Variants in NOL9 observed in about 807,000 individuals in gnomAD.
The protein encoded by NOL9 is nucleolar protein 9.
A neutral mutation model predicts 67.9 loss-of-function variants in NOL9; 28 were observed. The ratio of observed to expected loss-of-function variants is 0.41; its 90% CI spans 0.31 to 0.57. The LOEUF is 0.57. Among genes scored for constraint, NOL9 ranks in the 20% least tolerant of loss-of-function variants. NOL9 has a pLI of 0.25. For synonymous variants in NOL9, 356 were observed against 352.2 expected (o/e 1.01, Z -0.12); for missense variants, 777 against 897.0 (o/e 0.87, Z 1.71).
In NOL9 at chr1:6,532,829, G is replaced by A. The variant is rs577798236; in HGVS notation, c.1238-69C>T. 7 of 1,374,006 alleles carry A rather than the reference G, an allele frequency of 5.1e-6. No individual in the cohort carries two copies. In the African/African-American group the frequency reaches 1.0e-4, roughly 20 times the overall value. 85.1% of individuals were successfully genotyped at this position (1,374,006 alleles called of 1,614,324 possible). On this transcript the variant is annotated intron_variant, in intron 7 of 11. Transcript: ENST00000377705. ...GTGACGCGCTCAAGAACAGTGACAT[G>A]CTCCTACGACAAATGGATGCATTTG...
Position 6,533,441 on chromosome 1 carries a change from C to T in NOL9, c.1076G>A (p.Gly359Glu). 4 of 1,576,774 alleles carry T rather than the reference C, an allele frequency of 2.5e-6. No homozygotes were observed. The highest frequency in any genetic ancestry group is 3.5e-6 in the Non-Finnish European group (4 of 1,158,450). Residue 359 changes from glycine (G) to glutamate (E), a missense_variant and splice_region_variant, in exon 7 of 12, where the codon GGA becomes GAA. Transcript: ENST00000377705. ...SLLNITEPVL[G>E]PPFTHLRTPQ... ...AGTCCTCAGGTGAGTGAAAGGTGGTCCTAAAAAGATAAAGATGAGTAATCA... is the reference window on the plus strand; with the variant it reads ...AGTCCTCAGGTGAGTGAAAGGTGGTTCTAAAAAGATAAAGATGAGTAATCA...
chr1:6,549,487 C>T, intron 3 of NOL9, 84 bp downstream of exon 3: 4 of 1,503,120 alleles, frequency 2.7e-6, no homozygotes, highest in Non-Finnish European at 3.6e-6. Context: ...AACTGTTCTT[C>T]CAAGACAACA....
intron 5 of NOL9, 125 bp from the exon 6 acceptor site, chr1:6,542,052 G>T: frequency 2.0e-6 from 1 of 497,516 alleles, no homozygotes. Flanking sequence ...CAGCACTTTA[G>T]AAGTGAAGCC....
chr1:6,531,960 C>T lies in NOL9; in HGVS notation c.1647+8G>A. ...ATGAAGACAATTTCTCCTGTAAGTT[C>T]AGATTACCTGATAGGGTGTCAGGCT... On this transcript the variant is annotated splice_region_variant and intron_variant, in intron 9 of 11. Coordinates refer to ENST00000377705, the MANE Select transcript of NOL9 (RefSeq NM_024654.5). 1 of 1,606,782 alleles carries T rather than the reference C, an allele frequency of 6.2e-7. No individual in the cohort carries two copies. The highest frequency in any genetic ancestry group is 8.5e-7 in the Non-Finnish European group (1 of 1,173,304).
At chr1:6,549,969 G>A (rs943031499) in intron 2 of NOL9, among the ~76,000 whole-genome samples, 3 of 152,088 alleles carry the variant, frequency 2.0e-5, no homozygotes, top group Admixed American at 6.6e-5. Flanking sequence ...CAGGACCCTC[G>A]TAAGGGTTTA....
chr1:6,553,790 C>G (rs149689166), intron 1 of NOL9, among the ~76,000 whole-genome samples: 2,403 of 152,076 alleles, frequency 0.016, 67 homozygotes, highest in African/African-American at 0.055. Context: ...TGCAGTGAGC[C>G]GAGATTGTGC....
chr1:6,550,716 T>C (rs1639527756), intron 1 of NOL9, 101 bp from the exon 2 acceptor site: 1 of 880,772 alleles, frequency 1.1e-6, no homozygotes, highest in East Asian at 2.8e-5. Flanking sequence ...GGAGTTTTGC[T>C]CTTGTTGCCC....
At chr1:6,535,979 T>A (rs1389371447) in intron 6 of NOL9, among the ~76,000 whole-genome samples, 2 of 149,820 alleles carry the variant, frequency 1.3e-5, no homozygotes, top group Admixed American at 1.3e-4. Context: ...TCAAAAGCAG[T>A]TATAATTAAA....
chr1:6,536,369 T>C (rs1365261899), intron 6 of NOL9, among the ~76,000 whole-genome samples: 1 of 84,534 alleles, frequency 1.2e-5, no homozygotes, highest in Non-Finnish European at 2.8e-5. Flanking sequence ...TAAAATAAAA[T>C]AAAAAAATAA....
rs200904033 is a variant in NOL9 at position 6,545,060 on chromosome 1, C to A, written c.865G>T (p.Val289Phe). ...ESTLSALEEL[V>F]NVSCEEVDGC... Reference sequence around the variant, plus strand: ...TATTACTCACCACAGGAAACATTGACTAACTCTTCCAGGGCTGAAAGGGTA... The same window carrying A: ...TATTACTCACCACAGGAAACATTGAATAACTCTTCCAGGGCTGAAAGGGTA... The change falls in exon 4 of 12, where the codon GTC (valine) becomes TTC (phenylalanine). Residue 289 changes from valine (V) to phenylalanine (F), a missense_variant. By Grantham distance (50) the Val-to-Phe change is conservative. Transcript: ENST00000377705. 1.4e-5 allele frequency: 22 copies of A among 1,614,072 alleles called. No individual in the cohort carries two copies. The highest frequency in any genetic ancestry group is 1.0e-5 in the Non-Finnish European group (12 of 1,180,042).
chr1:6,533,503 A>C, intron 6 of NOL9, 62 bp from the exon 7 acceptor site: 1 of 1,287,102 alleles, frequency 7.8e-7, no homozygotes, highest in Non-Finnish European at 1.0e-6. Context: ...GGCTACTTAA[A>C]AGGTGGTGAG....
Position 6,532,568 on chromosome 1 carries a change from G to GCAT in NOL9, c.1427_1429dup (p.Asp476dup). Reference sequence around the variant, plus strand: ...TTTTTCTTCATCAGCAAATTCCAAAGCATCTGCAAATGCTGCGAGTCTGAA... The same window carrying GCAT: ...TTTTTCTTCATCAGCAAATTCCAAAGCATCATCTGCAAATGCTGCGAGTCTGAA... On this transcript the variant is annotated inframe_insertion, in exon 8 of 12. Transcript: ENST00000377705. The GCAT allele has an allele frequency of 6.2e-7, 1 of 1,614,158 alleles. No individual in the cohort carries two copies. Among genetic ancestry groups the GCAT allele is most frequent in the Non-Finnish European group, 8.5e-7 (1 of 1,180,034 alleles).
chr1:6,525,404 AC>A lies in NOL9; in HGVS notation c.*449del, dbSNP rs144417620. On this transcript the variant is annotated 3_prime_UTR_variant, in exon 12 of 12. Transcript: ENST00000377705. ...TGGCTCCAAGGAAGCAGACCGCTGGACCCCAGCTCTGCACATGGCTCAGGCA... is the reference window on the plus strand; with the variant it reads ...TGGCTCCAAGGAAGCAGACCGCTGGACCCAGCTCTGCACATGGCTCAGGCA... The A allele has an allele frequency of 0.028, 5,009 of 181,648 alleles. 251 individuals carry two copies. The highest frequency in any genetic ancestry group is 0.11 in the African/African-American group (4,618 of 41,982). 11.3% of individuals were successfully genotyped at this position (181,648 alleles called of 1,614,324 possible).
At chr1:6,551,346 G>A (rs1254969496) in intron 1 of NOL9, among the ~76,000 whole-genome samples, 13 of 152,108 alleles carry the variant, frequency 8.5e-5, no homozygotes, top group Admixed American at 8.5e-4. Flanking sequence ...CTGGGAGAAG[G>A]AGGTGGGGGG....
rs1316177688 is a variant in NOL9 at position 6,533,349 on chromosome 1, C to T, written c.1168G>A (p.Val390Met). 2 of 1,613,554 alleles carry T rather than the reference C, an allele frequency of 1.2e-6. No homozygotes were observed. Among genetic ancestry groups the T allele is most frequent in the Non-Finnish European group, 1.7e-6 (2 of 1,179,650 alleles). The change falls in exon 7 of 12, where the codon GTG becomes ATG. Residue 390 changes from valine (V) to methionine (M), a missense_variant. This residue lies in a region of NOL9 where 413 missense variants were observed against 552.6 expected (regional missense o/e 0.75). Transcript: ENST00000377705. ...KNNYENYIDI[V>M]KYVFSAYKRE... ...TTGTAAGCGCTGAACACATATTTCA[C>T]TATGTCAATATAATTCTCATAGTTG...
intron 1 of NOL9, among the ~76,000 whole-genome samples, chr1:6,551,100 C>T (rs1484173460): frequency 6.6e-6 from 1 of 151,942 alleles, no homozygotes; most frequent in African/African-American, 2.4e-5. Context: ...TCACTTGAGC[C>T]CAGAAGTTCA....
Position 6,544,902 on chromosome 1 carries a change from C to G in NOL9, c.901G>C (p.Val301Leu), listed in dbSNP as rs764530396. 6.2e-7 allele frequency: 1 copy of G among 1,614,198 alleles called. No homozygotes were observed. The highest frequency in any genetic ancestry group is 1.1e-5 in the South Asian group (1 of 91,074). Residue 301 changes from valine (V) to leucine (L), a missense_variant, in exon 5 of 12, where the codon GTC becomes CTC. Around this residue, in one of 2 missense-constraint regions of NOL9, gnomAD observed 413 missense variants for 552.6 expected, o/e 0.75. Coordinates refer to ENST00000377705, the MANE Select transcript of NOL9 (RefSeq NM_024654.5). Reference protein sequence around the residue: ...VSCEEVDGCPVILVCGSQDVG... With the variant: ...VSCEEVDGCPLILVCGSQDVG... Reference sequence around the variant, plus strand: ...TCCTGGGATCCACAAACTAGAATGACAGGGCAGCCATCTACTTCTTCTGAA... The same window carrying G: ...TCCTGGGATCCACAAACTAGAATGAGAGGGCAGCCATCTACTTCTTCTGAA...
At chr1:6,541,699 G>C (rs763374502) in intron 6 of NOL9, 131 bp downstream of exon 6, 15 of 445,122 alleles carry the variant, frequency 3.4e-5, no homozygotes, top group Non-Finnish European at 5.4e-5. Flanking sequence ...ACAAGTTATG[G>C]AAAGACCATG....
chr1:6,537,130 T>A (rs1380465262), intron 6 of NOL9, among the ~76,000 whole-genome samples: 2 of 151,850 alleles, frequency 1.3e-5, no homozygotes, highest in Admixed American at 6.6e-5. Context: ...AAGGTGCTAA[T>A]AACAAAACAA....
Sources: allele counts gnomAD v4.1 joint callset (sites outside exome capture counted in the v4.1 genomes callset), GRCh38; gene constraint gnomAD v4.1.1; regional missense constraint gnomAD v4.1.1; transcripts MANE v1.5; gene names NCBI Gene and HGNC (gene_info 2026-07-23, HGNC 2026-07-21).